Variants in SNX27 observed in about 807,000 individuals in gnomAD.
SNX27 encodes sorting nexin-27.
In SNX27, 22 loss-of-function variants were observed where a neutral mutation model predicts 71.6. The ratio of observed to expected loss-of-function variants is 0.31; its 90% CI spans 0.22 to 0.44. The LOEUF is 0.44. SNX27 is among the 20% of genes least tolerant of loss of function. SNX27 has a pLI of 1.00. For synonymous variants in SNX27, 269 were observed against 277.2 expected, an observed-to-expected ratio of 0.97 and a Z score of 0.29; for missense variants, 531 against 698.6, an observed-to-expected ratio of 0.76 and a Z score of 2.70.
intron 3 of SNX27, chr1:151,660,525 G>T: frequency 3.1e-6 from 1 of 325,802 alleles, no homozygotes; most frequent in Non-Finnish European, 5.8e-6. Flanking sequence ...TTATATTTAC[G>T]GAACTTTTAT....
At chr1:151,651,218 GC>G (rs1669330277) in intron 2 of SNX27, among the ~76,000 whole-genome samples, 1 of 149,288 alleles carries the variant, frequency 6.7e-6, no homozygotes, top group Non-Finnish European at 1.5e-5. Context: ...GGGGCGGCTG[GC>G]CGGGCGGGGG....
At chr1:151,641,402 A>G (rs1668712272) in intron 2 of SNX27, among the ~76,000 whole-genome samples, 1 of 151,684 alleles carries the variant, frequency 6.6e-6, no homozygotes, top group South Asian at 2.1e-4. Context: ...ACATAGTGAT[A>G]CCTTACTGTG....
intron 1 of SNX27, among the ~76,000 whole-genome samples, chr1:151,633,967 T>A (rs551298384): frequency 5.3e-5 from 8 of 151,074 alleles, no homozygotes; most frequent in African/African-American, 1.9e-4. Flanking sequence ...TAGATGTGTA[T>A]GTGTGTTTTT....
At chr1:151,692,865 C>G (rs201069394) in intron 9 of SNX27, 46 bp from the exon 10 acceptor site, 17 of 1,612,566 alleles carry the variant, frequency 1.1e-5, no homozygotes, top group Non-Finnish European at 2.5e-6. Flanking sequence ...TTCCCCAGCA[C>G]TCTGAAACAC....
chr1:151,692,647 G>A (rs1447782722), intron 9 of SNX27, 63 bp downstream of exon 9: 2 of 1,571,058 alleles, frequency 1.3e-6, no homozygotes, highest in Non-Finnish European at 1.7e-6. Context: ...TCACTTGCTT[G>A]TGACGTTTTA....
intron 2 of SNX27, among the ~76,000 whole-genome samples, chr1:151,655,010 T>G (rs1279324038): frequency 6.6e-6 from 1 of 152,206 alleles, no homozygotes. Flanking sequence ...TTTTCATGCT[T>G]TTTTATATGT....
chr1:151,633,137 G>A (rs1668316907), intron 1 of SNX27, among the ~76,000 whole-genome samples: 1 of 152,126 alleles, frequency 6.6e-6, no homozygotes, highest in Non-Finnish European at 1.5e-5. Flanking sequence ...CTCCCAAAGT[G>A]CTGGGATTAC....
Position 151,694,565 on chromosome 1 carries a change from C to G in SNX27, c.*148C>G. On this transcript the variant is annotated 3_prime_UTR_variant, in exon 12 of 12. Coordinates refer to ENST00000458013, the MANE Select transcript of SNX27 (RefSeq NM_001330723.2). Reference sequence around the variant, plus strand: ...CCCTAAACTAAATATTATTAATAACCCCCTCTGAATTTCATGTCTCTGGAA... The same window carrying G: ...CCCTAAACTAAATATTATTAATAACGCCCTCTGAATTTCATGTCTCTGGAA... 1 of 737,046 alleles carries G rather than the reference C, an allele frequency of 1.4e-6. No individual in the cohort carries two copies. The highest frequency in any genetic ancestry group is 2.0e-6 in the Non-Finnish European group (1 of 488,396). The allele number at this position is 737,046 out of a possible 1,614,324, so 45.7% of individuals were successfully genotyped here.
intron 1 of SNX27, among the ~76,000 whole-genome samples, chr1:151,638,680 C>G (rs537394043): frequency 4.3e-4 from 66 of 152,258 alleles, no homozygotes; most frequent in African/African-American, 1.5e-3. Flanking sequence ...GTCTTCTCAC[C>G]TCTTTCCATT....
At chr1:151,692,771 C>T (rs751961022) in intron 9 of SNX27, 140 bp from the exon 10 acceptor site, 2 of 1,382,648 alleles carry the variant, frequency 1.4e-6, no homozygotes, top group Non-Finnish European at 2.0e-6. Flanking sequence ...GATTTGTATT[C>T]TTCTATCACA....
intron 2 of SNX27, among the ~76,000 whole-genome samples, chr1:151,648,423 T>C (rs556894898): frequency 1.3e-5 from 2 of 152,124 alleles, no homozygotes; most frequent in South Asian, 2.1e-4. Flanking sequence ...TTTCTTTCTT[T>C]CTTTCTTTTT....
chr1:151,667,468 G>A (rs938236668), intron 6 of SNX27, among the ~76,000 whole-genome samples: 6 of 152,108 alleles, frequency 3.9e-5, no homozygotes, highest in African/African-American at 1.4e-4. Context: ...GCAGTTCATT[G>A]AGAATTGCCA....
intron 7 of SNX27, chr1:151,678,883 C>T (rs1255550930): frequency 6.6e-6 from 1 of 151,974 alleles, no homozygotes; most frequent in Non-Finnish European, 1.5e-5. Context: ...ATCACCAAGC[C>T]CAGCTAATTT....
chr1:151,689,596 C>G (rs1558076401), intron 8 of SNX27, among the ~76,000 whole-genome samples: 1 of 152,208 alleles, frequency 6.6e-6, no homozygotes, highest in Non-Finnish European at 1.5e-5. Context: ...TGGTACCTCT[C>G]AACGAAGAGA....
intron 7 of SNX27, among the ~76,000 whole-genome samples, chr1:151,672,727 A>G (rs947203349): frequency 1.4e-4 from 21 of 152,110 alleles, no homozygotes; most frequent in African/African-American, 5.1e-4. Flanking sequence ...TGTAGGTTGT[A>G]TATGTCTAGG....
At chr1:151,679,882 G>GTAAT (rs1415500525) in intron 7 of SNX27, 2 of 152,080 alleles carry the variant, frequency 1.3e-5, no homozygotes, top group African/African-American at 4.8e-5. Flanking sequence ...TCTAAAATTG[G>GTAAT]TAAGTCAAGA....
chr1:151,688,057 A>G (rs754482099), intron 8 of SNX27, among the ~76,000 whole-genome samples: 1 of 152,086 alleles, frequency 6.6e-6, no homozygotes, highest in Non-Finnish European at 1.5e-5. Flanking sequence ...TACCTGTCCA[A>G]TTCTCTGGCT....
intron 2 of SNX27, among the ~76,000 whole-genome samples, chr1:151,641,635 T>C (rs937489438): frequency 1.1e-5 from 1 of 90,344 alleles, no homozygotes. Flanking sequence ...ATATATCATA[T>C]GTATCATATA....
rs1405788821 is a variant in SNX27 at position 151,612,725 on chromosome 1, C to G, written c.311+213C>G. Among the ~76,000 whole-genome samples the G allele has an allele frequency of 6.6e-6, 1 of 152,132 alleles. No homozygotes were observed. Among genetic ancestry groups the G allele is most frequent in the Admixed American group, 6.5e-5 (1 of 15,276 alleles). ...CTTCTGCGACGCCGGTCTCCCACCCCGTCGTCTCCAGCTGATGCCCTTGCG... is the reference window on the plus strand; with the variant it reads ...CTTCTGCGACGCCGGTCTCCCACCCGGTCGTCTCCAGCTGATGCCCTTGCG... On this transcript the variant is annotated intron_variant, in intron 1 of 11. Transcript: ENST00000458013. This position sits in a 1 kb window ranked among gnomAD's most constrained non-coding sequence, Gnocchi z 5.2.
Sources: allele counts gnomAD v4.1 joint callset (sites outside exome capture counted in the v4.1 genomes callset), GRCh38; gene constraint gnomAD v4.1.1; non-coding constraint Gnocchi (gnomAD v3.1); transcripts MANE v1.5; gene names NCBI Gene and HGNC (gene_info 2026-07-23, HGNC 2026-07-21).